Variants in CRYGN observed in about 807,000 individuals in gnomAD.
The protein encoded by CRYGN is crystallin gamma N.
A neutral mutation model predicts 19.2 loss-of-function variants in CRYGN; 17 were observed. The observed-to-expected ratio is 0.89, with a 90% CI of 0.61 to 1.33. CRYGN has a LOEUF of 1.33. Among genes scored for constraint, CRYGN ranks in the 40% most tolerant of loss-of-function variants. The pLI is 0.00. For missense variants in CRYGN, 239 were observed against 239.6 expected, an observed-to-expected ratio of 1.00 and a Z score of 0.02; for synonymous variants, 84 against 85.8, an observed-to-expected ratio of 0.98 and a Z score of 0.12.
At position 151,436,889 on chromosome 7, in the gene CRYGN, C is replaced by T. The variant is rs185570458; in HGVS notation, c.271-564G>A. 1.6e-3 allele frequency: 240 copies of T among 152,264 alleles called. 5 individuals carry two copies. Among genetic ancestry groups the T allele is most frequent in the African/African-American group, 5.3e-3 (219 of 41,568 alleles). 9.4% of individuals were successfully genotyped at this position (152,264 alleles called of 1,614,324 possible). A position where few individuals can be genotyped will look rare whatever the true frequency, so the allele number is the denominator to read the frequency against. ...TGTCCCCTAGGCTCAGCACATCTCC[C>T]TATATGATTCCCGCATTTCCAAAAG... On this transcript the variant is annotated intron_variant, in intron 2 of 3. Coordinates refer to ENST00000337323, the MANE Select transcript of CRYGN (RefSeq NM_144727.3). The surrounding 1 kb of genome is among the most constrained non-coding windows in gnomAD (Gnocchi z 5.1).
intron 1 of CRYGN, chr7:151,439,188 A>C (rs534489977): frequency 6.6e-6 from 1 of 152,296 alleles, no homozygotes; most frequent in East Asian, 1.9e-4. Context: ...ACATGCGTTC[A>C]CCGGAAAGGA....
chr7:151,432,063 G>A (rs906405774), intron 3 of CRYGN: 4 of 582,004 alleles, frequency 6.9e-6, no homozygotes, highest in Non-Finnish European at 7.6e-6. Context: ...GACTTTTATC[G>A]CCCAAGGTCC....
chr7:151,439,939 G>T lies in CRYGN; in HGVS notation c.-22C>A. On this transcript the variant is annotated 5_prime_UTR_variant, in exon 1 of 4. Coordinates refer to ENST00000337323, the MANE Select transcript of CRYGN (RefSeq NM_144727.3). ...CCATGGTGCGCCCCGCCCCTTCCGC[G>T]GGTCCCCGTTTACACCGGGCAGCGC... is the stretch of plus-strand genomic sequence containing the variant. The T allele has an allele frequency of 6.5e-7, 1 of 1,531,946 alleles. No homozygotes were observed. The allele number at this position is 1,531,946 out of a possible 1,614,324, so 94.9% of individuals were successfully genotyped here.
At position 151,436,344 on chromosome 7, in the gene CRYGN, A is replaced by G. The variant is rs754137103; in HGVS notation, c.271-19T>C. The stretch of plus-strand genomic sequence containing the variant: ...CTCCGTGCTCCAAGACCAAGCAAAA[A>G]AGAAGGAAAGAAGGAGGTTGCTGTG... On this transcript the variant is annotated intron_variant, in intron 2 of 3. Transcript: ENST00000337323. This position sits in a 1 kb window ranked among gnomAD's most constrained non-coding sequence, Gnocchi z 5.1. 2 of 1,501,826 alleles carry G rather than the reference A, an allele frequency of 1.3e-6. No individual in the cohort carries two copies. The highest frequency in any genetic ancestry group is 1.8e-6 in the Non-Finnish European group (2 of 1,120,850). The allele number at this position is 1,501,826 out of a possible 1,614,324, so 93.0% of individuals were successfully genotyped here.
At position 151,431,496 on chromosome 7, in the gene CRYGN, G is replaced by A. The variant is rs112959402; in HGVS notation, c.417-1316C>T. Among the ~76,000 whole-genome samples the A allele has an allele frequency of 2.6e-5, 4 of 152,258 alleles. No homozygotes were observed. The highest frequency in any genetic ancestry group is 1.9e-4 in the East Asian group (1 of 5,172). ...GCTTGGTGCTGCACCAGCTGAAGAC[G>A]CGAGCCGCCGGTTCTGGGTCTGCCA... On this transcript the variant is annotated intron_variant, in intron 3 of 3. Coordinates refer to ENST00000337323, the MANE Select transcript of CRYGN (RefSeq NM_144727.3). The surrounding 1 kb of genome is among the most constrained non-coding windows in gnomAD (Gnocchi z 4.8).
chr7:151,440,117 G>T lies in CRYGN; in HGVS notation c.-200C>A. The T allele has an allele frequency of 4.4e-6, 6 of 1,360,860 alleles. No homozygotes were observed. The highest frequency in any genetic ancestry group is 4.7e-6 in the Non-Finnish European group (5 of 1,061,540). The allele number at this position is 1,360,860 out of a possible 1,614,324, so 84.3% of individuals were successfully genotyped here. Reference sequence around the variant, plus strand: ...CCGCGAGTGCAGCCCGCCCTGCCCGGGGTCTCCCTGTGCTCTCCGCGTTTA... The same window carrying T: ...CCGCGAGTGCAGCCCGCCCTGCCCGTGGTCTCCCTGTGCTCTCCGCGTTTA... On this transcript the variant is annotated 5_prime_UTR_variant, in exon 1 of 4. Coordinates refer to ENST00000337323, the MANE Select transcript of CRYGN (RefSeq NM_144727.3).
intron 1 of CRYGN, among the ~76,000 whole-genome samples, 162 bp downstream of exon 1, chr7:151,439,735 A>G (rs551135595): frequency 1.3e-5 from 2 of 152,320 alleles, no homozygotes; most frequent in East Asian, 1.9e-4. Flanking sequence ...CACACCAGAG[A>G]GGCCCCAGGC....
chr7:151,428,946 C>T lies in CRYGN; in HGVS notation c.*1102G>A, dbSNP rs919502824. On this transcript the variant is annotated 3_prime_UTR_variant, in exon 4 of 4. Coordinates refer to ENST00000337323, the MANE Select transcript of CRYGN (RefSeq NM_144727.3). Reference sequence around the variant, plus strand: ...GTCACCCAGGAGCACAAAGCCCATTCGAGAAGCATTAAATCACCAGTTAAT... The same window carrying T: ...GTCACCCAGGAGCACAAAGCCCATTTGAGAAGCATTAAATCACCAGTTAAT... 5.9e-5 allele frequency: 9 copies of T among 152,564 alleles called. No individual in the cohort carries two copies. The highest frequency in any genetic ancestry group is 2.2e-4 in the African/African-American group (9 of 41,390). 9.5% of individuals were successfully genotyped at this position (152,564 alleles called of 1,614,324 possible).
In CRYGN at chr7:151,438,174, T is replaced by A; in HGVS notation, c.92A>T (p.Gln31Leu). ...LEVFGDCDNF[Q>L]DRGFMNRVNS... Reference sequence around the variant, plus strand: ...CACTCGGTTCATAAAGCCCCGGTCCTGGAAGTTGTCACAGTCCCCGAAGAC... The same window carrying A: ...CACTCGGTTCATAAAGCCCCGGTCCAGGAAGTTGTCACAGTCCCCGAAGAC... The change falls in exon 2 of 4, where the codon CAG becomes CTG. Residue 31 changes from glutamine (Q) to leucine (L), a missense_variant. Coordinates refer to ENST00000337323, the MANE Select transcript of CRYGN (RefSeq NM_144727.3). 1 of 1,614,222 alleles carries A rather than the reference T, an allele frequency of 6.2e-7. No individual in the cohort carries two copies. The highest frequency in any genetic ancestry group is 8.5e-7 in the Non-Finnish European group (1 of 1,180,036).
At chr7:151,437,923 C>A in intron 2 of CRYGN, 73 bp downstream of exon 2, 1 of 1,601,188 alleles carries the variant, frequency 6.2e-7, no homozygotes, top group Non-Finnish European at 8.5e-7. Context: ...CGATTCCTTG[C>A]CACTGTCTGC....
At chr7:151,439,418 G>A (rs1801704406) in intron 1 of CRYGN, among the ~76,000 whole-genome samples, 1 of 152,204 alleles carries the variant, frequency 6.6e-6, no homozygotes, top group Admixed American at 6.5e-5. Context: ...GGCACGGCTG[G>A]TAGAGGGCCC....
intron 2 of CRYGN, among the ~76,000 whole-genome samples, chr7:151,437,344 G>C (rs1801640405): frequency 6.6e-6 from 1 of 152,296 alleles, no homozygotes; most frequent in African/African-American, 2.4e-5. Flanking sequence ...CCCACCTGAA[G>C]CTCCAGAGCT....
rs983454619 is a variant in CRYGN at position 151,435,394 on chromosome 7, C to T, written c.416+786G>A. Among the ~76,000 whole-genome samples the T allele has an allele frequency of 2.6e-4, 39 of 152,092 alleles. No individual in the cohort carries two copies. The highest frequency in any genetic ancestry group is 6.2e-4 in the South Asian group (3 of 4,832). On this transcript the variant is annotated intron_variant, in intron 3 of 3. Transcript: ENST00000337323. This position sits in a 1 kb window ranked among gnomAD's most constrained non-coding sequence, Gnocchi z 4.2. Reference sequence around the variant, plus strand: ...GAGTCTCAGCTTGCCCTTTGTAGAACGGGGGCGATAATATCTACCTGACCT... The same window carrying T: ...GAGTCTCAGCTTGCCCTTTGTAGAATGGGGGCGATAATATCTACCTGACCT...
rs1291105943 is a variant in CRYGN at position 151,435,384 on chromosome 7, C to T, written c.416+796G>A. 6.6e-6 allele frequency among the ~76,000 whole-genome samples: 1 copy of T among 152,156 alleles called. No individual in the cohort carries two copies. The highest frequency in any genetic ancestry group is 2.4e-5 in the African/African-American group (1 of 41,422). On this transcript the variant is annotated intron_variant, in intron 3 of 3. Coordinates refer to ENST00000337323, the MANE Select transcript of CRYGN (RefSeq NM_144727.3). This position sits in a 1 kb window ranked among gnomAD's most constrained non-coding sequence, Gnocchi z 4.2. Reference sequence around the variant, plus strand: ...TCAGCCTTCTGAGTCTCAGCTTGCCCTTTGTAGAACGGGGGCGATAATATC... The same window carrying T: ...TCAGCCTTCTGAGTCTCAGCTTGCCTTTTGTAGAACGGGGGCGATAATATC...
At chr7:151,434,537 C>T (rs1307240023) in intron 3 of CRYGN, among the ~76,000 whole-genome samples, 1 of 152,224 alleles carries the variant, frequency 6.6e-6, no homozygotes, top group Non-Finnish European at 1.5e-5. Context: ...AGGGGGCCAA[C>T]ATCAGGCCAC....
rs959693507 is a variant in CRYGN, at chr7:151,430,421, T to C, written c.417-241A>G. On this transcript the variant is annotated intron_variant, in intron 3 of 3. Transcript: ENST00000337323. The surrounding 1 kb of genome is among the most constrained non-coding windows in gnomAD (Gnocchi z 5.2). ...CCACCCAGCTCTTGGTGGGGAATTG[T>C]CTTGGGTGAATTGGGTGACCCATCG... Among the ~76,000 whole-genome samples the C allele has an allele frequency of 5.3e-5, 8 of 152,100 alleles. No homozygotes were observed. Among genetic ancestry groups the C allele is most frequent in the Non-Finnish European group, 1.2e-4 (8 of 67,990 alleles).
Position 151,439,906 on chromosome 7 carries a change from G to C in CRYGN, c.12C>G (p.Arg4=), listed in dbSNP as rs1305140203. ...TGAGGGACGCACTCACCTTCCCCGA[G>C]CGCTGCGCCATGGTGCGCCCCGCCC... The part of the protein sequence containing the change: MAQ[R]SGKITLYEGK... The change falls in exon 1 of 4, where the codon CGC becomes CGG. Residue 4 remains arginine, a synonymous_variant. Coordinates refer to ENST00000337323, the MANE Select transcript of CRYGN (RefSeq NM_144727.3). 1 of 1,554,074 alleles carries C rather than the reference G, an allele frequency of 6.4e-7. No individual in the cohort carries two copies.
chr7:151,429,074 C>G lies in CRYGN; in HGVS notation c.*974G>C, dbSNP rs1001723273. On this transcript the variant is annotated 3_prime_UTR_variant, in exon 4 of 4. Transcript: ENST00000337323. ...CTAGGCCTGGTTTTTCCCGTGACTC[C>G]CAAGGACCTGGACTGAACCGGTGGG... 3 of 152,630 alleles carry G rather than the reference C, an allele frequency of 2.0e-5. No homozygotes were observed. The highest frequency in any genetic ancestry group is 7.2e-5 in the African/African-American group (3 of 41,428). 9.5% of individuals were successfully genotyped at this position (152,630 alleles called of 1,614,324 possible). A position where few individuals can be genotyped will look rare whatever the true frequency, so the allele number is the denominator to read the frequency against.
At position 151,430,360 on chromosome 7, in the gene CRYGN, G is replaced by A. The variant is rs1409571816; in HGVS notation, c.417-180C>T. ...TCGGCTGTCATGGGACAGCCTACGG[G>A]GGTCCCACAGCAGTCATGGGGCCCC... On this transcript the variant is annotated intron_variant, in intron 3 of 3. Transcript: ENST00000337323. The surrounding 1 kb of genome is among the most constrained non-coding windows in gnomAD (Gnocchi z 5.2). Among the ~76,000 whole-genome samples, 1 of 152,086 alleles carries A rather than the reference G, an allele frequency of 6.6e-6. No homozygotes were observed. Among genetic ancestry groups the A allele is most frequent in the Non-Finnish European group, 1.5e-5 (1 of 68,012 alleles).
Sources: gnomAD v4.1 joint callset for allele counts (sites outside exome capture counted in the v4.1 genomes callset) on GRCh38, gnomAD v4.1.1 for gene constraint, Gnocchi (gnomAD v3.1) non-coding constraint, MANE v1.5 for transcripts, NCBI Gene and HGNC (gene_info 2026-07-23, HGNC 2026-07-21) for gene names.